Variants in SPTA1 observed in about 807,000 individuals in gnomAD.
SPTA1 encodes spectrin alpha, erythrocytic 1.
A neutral mutation model predicts 324.7 loss-of-function variants in SPTA1; 177 were observed. The observed-to-expected ratio is 0.55, with a 90% CI of 0.48 to 0.62. The LOEUF (loss-of-function observed/expected upper bound fraction) is 0.62, where lower values mean the gene tolerates loss of function less well. Among genes scored for constraint, SPTA1 ranks in the 20% least tolerant of loss-of-function variants. The probability of loss-of-function intolerance (pLI) is 0.00; values close to 1 mark genes in which losing one functional copy is unlikely to be tolerated. For synonymous variants in SPTA1, 1,195 were observed against 1,041.3 expected, an observed-to-expected ratio of 1.15 and a Z score of -2.84; for missense variants, 3,162 against 2,883.6, an observed-to-expected ratio of 1.10 and a Z score of -2.21.
intron 27 of SPTA1, among the ~76,000 whole-genome samples, 182 bp from the exon 28 acceptor site, chr1:158,645,776 T>A (rs1261529986): frequency 6.6e-6 from 1 of 152,226 alleles, no homozygotes; most frequent in Non-Finnish European, 1.5e-5. Context: ...TAACAATCCC[T>A]TGTATTTGAA....
intron 26 of SPTA1, among the ~76,000 whole-genome samples, 160 bp from the exon 27 acceptor site, chr1:158,647,880 A>G (rs559061521): frequency 6.6e-6 from 1 of 152,310 alleles, no homozygotes; most frequent in Non-Finnish European, 1.5e-5. Flanking sequence ...TTTAGTCCAC[A>G]TAACTCCCTA....
chr1:158,683,839 G>GT (rs1159783340), intron 2 of SPTA1, among the ~76,000 whole-genome samples: 1 of 61,248 alleles, frequency 1.6e-5, no homozygotes, highest in Non-Finnish European at 5.1e-5. Flanking sequence ...TATAATAATG[G>GT]TTTTTAAAAA....
At position 158,627,024 on chromosome 1, in the gene SPTA1, G is replaced by A. The variant is rs778976702; in HGVS notation, c.5665-17C>T. 8.7e-6 allele frequency: 14 copies of A among 1,613,372 alleles called. No individual in the cohort carries two copies. Among genetic ancestry groups the A allele is most frequent in the Non-Finnish European group, 1.2e-5 (14 of 1,179,538 alleles). The stretch of plus-strand genomic sequence containing the variant: ...CTGCAACACCTGTGAGAAGGGGAGA[G>A]ACAAATATATTTATAATGTGCAGGG... On this transcript the variant is annotated splice_polypyrimidine_tract_variant and intron_variant, in intron 40 of 51. Transcript: ENST00000643759.
chr1:158,634,802 G>C, intron 38 of SPTA1, 127 bp from the exon 39 acceptor site: 1 of 1,083,970 alleles, frequency 9.2e-7, no homozygotes, highest in Non-Finnish European at 1.4e-6. Flanking sequence ...AGTTGAAGTG[G>C]GCCTCAACAC....
At chr1:158,637,004 C>T (rs1467380485) in intron 36 of SPTA1, among the ~76,000 whole-genome samples, 1 of 152,206 alleles carries the variant, frequency 6.6e-6, no homozygotes, top group Non-Finnish European at 1.5e-5. Flanking sequence ...CTGTAACAGC[C>T]TTTCCATTAG....
intron 27 of SPTA1, among the ~76,000 whole-genome samples, chr1:158,645,881 C>T (rs562588568): frequency 6.6e-6 from 1 of 152,230 alleles, no homozygotes; most frequent in South Asian, 2.1e-4. Context: ...AAAGAAGTCA[C>T]CTTAGAAAAG....
chr1:158,627,781 T>G, intron 39 of SPTA1, 58 bp from the exon 40 acceptor site: 1 of 1,524,282 alleles, frequency 6.6e-7, no homozygotes, highest in Non-Finnish European at 9.0e-7. Flanking sequence ...CTATATTCAC[T>G]CATATTCAGA....
At chr1:158,657,829 G>A in intron 18 of SPTA1, 135 bp from the exon 19 acceptor site, 3 of 874,514 alleles carry the variant, frequency 3.4e-6, no homozygotes, top group South Asian at 1.6e-5. Context: ...TATTTTTCTT[G>A]AGTTACCTGG....
rs1464547611 is a variant in SPTA1 at position 158,613,747 on chromosome 1, C to A, written c.6963G>T (p.Lys2321Asn). Reference protein sequence around the residue: ...EEDEHEPKFEKFLDAVDPGRK... With the variant: ...EEDEHEPKFENFLDAVDPGRK... ...TCCCTGGATCCACAGCATCCAGGAA[C>A]TTCTCAAACTTGGGCTCATGTTCAT... The change falls in exon 50 of 52, where the codon AAG becomes AAT. Residue 2321 changes from lysine to asparagine, a missense_variant. Coordinates refer to ENST00000643759, the MANE Select transcript of SPTA1 (RefSeq NM_003126.4). 2 of 1,613,866 alleles carry A rather than the reference C, an allele frequency of 1.2e-6. No individual in the cohort carries two copies. The highest frequency in any genetic ancestry group is 1.7e-6 in the Non-Finnish European group (2 of 1,179,830).
Position 158,653,182 on chromosome 1 carries a change from A to G in SPTA1, c.3188+92T>C. ...ATCTTCAGATTTTCTGTGGCATCTC[A>G]AATCTAACAGATGCAGGGTCATGAG... On this transcript the variant is annotated intron_variant, in intron 22 of 51. Coordinates refer to ENST00000643759, the MANE Select transcript of SPTA1 (RefSeq NM_003126.4). 6 of 1,562,012 alleles carry G rather than the reference A, an allele frequency of 3.8e-6. No homozygotes were observed. In the South Asian group the frequency reaches 6.7e-5, roughly 18 times the overall value.
Position 158,671,432 on chromosome 1 carries a change from G to A in SPTA1, c.1510C>T (p.Leu504=). 6.2e-7 allele frequency: 1 copy of A among 1,613,014 alleles called. No individual in the cohort carries two copies. The highest frequency in any genetic ancestry group is 8.5e-7 in the Non-Finnish European group (1 of 1,179,888). Residue 504 remains leucine (L), a synonymous_variant, in exon 12 of 52, where the codon CTG becomes TTG. Coordinates refer to ENST00000643759, the MANE Select transcript of SPTA1 (RefSeq NM_003126.4). The part of the protein sequence containing the change: ...RQEAFLENED[L]GNSLGSAEAL... ...TCTGCACTGCCCAGTGAGTTTCCCA[G>A]ATCCTCGTTTTCCAGGAAGGCCTGT...
chr1:158,678,625 C>A, intron 5 of SPTA1, 91 bp from the exon 6 acceptor site: 1 of 1,463,600 alleles, frequency 6.8e-7, no homozygotes. Flanking sequence ...TTAGTTCATA[C>A]TTTTACAGAA....
chr1:158,652,987 T>C (rs866352628), intron 22 of SPTA1, among the ~76,000 whole-genome samples: 3 of 152,278 alleles, frequency 2.0e-5, no homozygotes, highest in Middle Eastern at 6.8e-3. Flanking sequence ...ACAAAGTTCA[T>C]ATAGATGTCA....
intron 25 of SPTA1, among the ~76,000 whole-genome samples, chr1:158,649,354 C>T (rs1054831318): frequency 2.0e-5 from 3 of 152,224 alleles, no homozygotes; most frequent in South Asian, 2.1e-4. Flanking sequence ...GATCAAGGCT[C>T]ACTGTAGCCT....
At position 158,685,062 on chromosome 1, in the gene SPTA1, A is replaced by G. The variant is rs857937; in HGVS notation, c.264+46T>C. On this transcript the variant is annotated intron_variant, in intron 2 of 51. Coordinates refer to ENST00000643759, the MANE Select transcript of SPTA1 (RefSeq NM_003126.4). ...TAAAGAAAAACCTATTTCCTTCTCT[A>G]GAGATCTTAGGGTCTGCTCTGAGGC... is the stretch of plus-strand genomic sequence containing the variant. The G allele has an allele frequency of 0.57, 916,428 of 1,610,296 alleles. 265,186 individuals carry two copies. Among genetic ancestry groups the G allele is most frequent in the Non-Finnish European group, 0.59 (698,361 of 1,177,044 alleles).
intron 35 of SPTA1, 134 bp from the exon 36 acceptor site, chr1:158,638,375 G>T: frequency 1.1e-6 from 1 of 877,930 alleles, no homozygotes; most frequent in Non-Finnish European, 1.8e-6. Context: ...TTGATTATGT[G>T]TTATACATGT....
Position 158,638,254 on chromosome 1 carries a change from G to A in SPTA1, c.4981-13C>T, listed in dbSNP as rs745895318. On this transcript the variant is annotated splice_polypyrimidine_tract_variant and intron_variant, in intron 35 of 51. Transcript: ENST00000643759. ...CCTTGAGTGCATCCTAGAAAGTCTC[G>A]GGATACTCAGTGAATAGTATAGTAT... The A allele has an allele frequency of 3.7e-5, 60 of 1,607,914 alleles. No homozygotes were observed. In the South Asian group the frequency reaches 3.8e-4, roughly 10 times the overall value.
At chr1:158,633,768 G>A (rs1650858030) in intron 39 of SPTA1, among the ~76,000 whole-genome samples, 1 of 152,100 alleles carries the variant, frequency 6.6e-6, no homozygotes, top group South Asian at 2.1e-4. Context: ...AACATGTGCA[G>A]TGGGGTGCAC....
intron 48 of SPTA1, chr1:158,614,511 CA>C (rs1247591852): frequency 2.0e-6 from 1 of 501,806 alleles, no homozygotes; most frequent in Non-Finnish European, 3.5e-6. Context: ...GTAGATTTTA[CA>C]TTTTCATATG....
Sources: allele counts gnomAD v4.1 joint callset (sites outside exome capture counted in the v4.1 genomes callset), GRCh38; gene constraint gnomAD v4.1.1; transcripts MANE v1.5; gene names NCBI Gene and HGNC (gene_info 2026-07-23, HGNC 2026-07-21).